Variants in UST observed in about 807,000 individuals in gnomAD.
UST encodes the protein chondroitin sulfate 2-O-sulfotransferase.
A neutral mutation model predicts 45.6 loss-of-function variants in UST; 21 were observed. That is an observed-to-expected ratio of 0.46 (90% CI 0.33 to 0.66). The LOEUF (loss-of-function observed/expected upper bound fraction) is 0.66. Among genes scored for constraint, UST ranks in the 30% least tolerant of loss-of-function variants. The probability of loss-of-function intolerance (pLI) is 0.02; values close to 1 mark genes in which losing one functional copy is unlikely to be tolerated. For missense variants in UST, 463 were observed against 512.4 expected (o/e 0.90, Z 0.93); for synonymous variants, 215 against 200.6 (o/e 1.07, Z -0.61).
chr6:148,992,968 A>G (rs772476318), intron 5 of UST: 220 of 982,982 alleles, frequency 2.2e-4, no homozygotes, highest in Non-Finnish European at 2.6e-4. Context: ...ATACTGAAAT[A>G]CATTTCTATC....
chr6:148,991,394 G>A (rs1781349129), intron 5 of UST, among the ~76,000 whole-genome samples: 1 of 151,600 alleles, frequency 6.6e-6, no homozygotes, highest in Admixed American at 6.6e-5. Flanking sequence ...AAGTTCTAGG[G>A]TACATGTGCA....
intron 1 of UST, among the ~76,000 whole-genome samples, chr6:148,758,262 A>G (rs1198678885): frequency 6.6e-6 from 1 of 152,180 alleles, no homozygotes. Flanking sequence ...AGTTCCGGTA[A>G]TTCATCCATC....
chr6:148,776,310 A>C (rs577558824), intron 1 of UST, among the ~76,000 whole-genome samples: 70 of 152,348 alleles, frequency 4.6e-4, no homozygotes, highest in Admixed American at 2.2e-3. Context: ...ATTTTTAAAA[A>C]TATGACCATT....
intron 7 of UST, among the ~76,000 whole-genome samples, chr6:149,065,481 TG>T (rs757392824): frequency 4.7e-4 from 71 of 152,332 alleles, no homozygotes; most frequent in Non-Finnish European, 7.1e-4. Context: ...AAACCACCTC[TG>T]GTCTTTCCAT....
intron 1 of UST, among the ~76,000 whole-genome samples, chr6:148,802,356 A>G (rs1777070872): frequency 6.6e-6 from 1 of 152,244 alleles, no homozygotes; most frequent in African/African-American, 2.4e-5. Flanking sequence ...AGAATAAACC[A>G]TCTGCCATAT....
intron 1 of UST, among the ~76,000 whole-genome samples, chr6:148,813,334 G>A (rs1731902035): frequency 6.6e-6 from 1 of 151,742 alleles, no homozygotes; most frequent in Admixed American, 6.6e-5. Flanking sequence ...AGGCCATACT[G>A]CCCCCAACCT....
chr6:148,871,143 T>TCTCTCTCC (rs1345024482), intron 1 of UST, among the ~76,000 whole-genome samples: 1 of 147,310 alleles, frequency 6.8e-6, no homozygotes, highest in African/African-American at 2.5e-5. Flanking sequence ...TCTCTCTCTC[T>TCTCTCTCC]CTCCCTCTCT....
chr6:148,805,331 A>C (rs1426408202), intron 1 of UST, among the ~76,000 whole-genome samples: 1 of 152,230 alleles, frequency 6.6e-6, no homozygotes, highest in Admixed American at 6.5e-5. Flanking sequence ...TGTTAATTTG[A>C]AAAAGAATAG....
At chr6:148,851,110 A>G (rs1039187989) in intron 1 of UST, among the ~76,000 whole-genome samples, 3 of 152,314 alleles carry the variant, frequency 2.0e-5, no homozygotes, top group Admixed American at 1.3e-4. Context: ...AGGAAGGCTC[A>G]GCCAGTCTTT....
In UST at chr6:148,878,708, G is replaced by GGTCGTGTATGAGTTCAGGA. The variant is rs1554222734; in HGVS notation, c.248-8265_248-8264insTCAGGAGTCGTGTATGAGT. On this transcript the variant is annotated intron_variant, in intron 1 of 7. Transcript: ENST00000367463. ...TGCGGGGGTCGTGTGTGAGTGCGGA[G>GGTCGTGTATGAGTTCAGGA]GTCGTGTATGAGTGCAGGGGATCAT... Among the ~76,000 whole-genome samples, 954 of 131,010 alleles carry GGTCGTGTATGAGTTCAGGA rather than the reference G, an allele frequency of 7.3e-3. 32 individuals are homozygous for GGTCGTGTATGAGTTCAGGA. Among genetic ancestry groups the GGTCGTGTATGAGTTCAGGA allele is most frequent in the African/African-American group, 0.028 (885 of 31,886 alleles). 85.9% of individuals were successfully genotyped at this position (131,010 alleles called of 152,430 possible).
At chr6:149,061,978 A>G (rs1406172125) in intron 7 of UST, among the ~76,000 whole-genome samples, 2 of 152,254 alleles carry the variant, frequency 1.3e-5, no homozygotes, top group African/African-American at 2.4e-5. Context: ...GTCAGGTCAC[A>G]CAAATAAATG....
At chr6:148,747,777 C>G in intron 1 of UST, 100 bp downstream of exon 1, 2 of 1,394,368 alleles carry the variant, frequency 1.4e-6, no homozygotes, top group Non-Finnish European at 1.9e-6. Context: ...CACCGCGCGC[C>G]GCCGCCGCCC....
chr6:149,003,068 G>A (rs1425492011), intron 5 of UST, among the ~76,000 whole-genome samples: 1 of 152,128 alleles, frequency 6.6e-6, no homozygotes, highest in East Asian at 1.9e-4. Context: ...AGTTTGAATT[G>A]TTGAAACACA....
chr6:148,827,891 G>A (rs72999190), intron 1 of UST, among the ~76,000 whole-genome samples: 1,688 of 152,158 alleles, frequency 0.011, 20 homozygotes, highest in Admixed American at 0.021. Context: ...TTAAAAGTGT[G>A]TTTTTGTTTT....
At chr6:148,974,033 G>T (rs565008536) in intron 5 of UST, among the ~76,000 whole-genome samples, 1 of 152,202 alleles carries the variant, frequency 6.6e-6, no homozygotes, top group East Asian at 1.9e-4. Flanking sequence ...CCCTCTAATG[G>T]CTGGAAGTTG....
At chr6:148,758,960 C>T (rs189865885) in intron 1 of UST, among the ~76,000 whole-genome samples, 56 of 152,294 alleles carry the variant, frequency 3.7e-4, no homozygotes, top group Middle Eastern at 3.4e-3. Flanking sequence ...TAAACAGAAC[C>T]GTCAGGCAGA....
intron 7 of UST, among the ~76,000 whole-genome samples, chr6:149,040,747 G>A (rs1776301004): frequency 6.6e-6 from 1 of 152,148 alleles, no homozygotes. Context: ...CCAGCATGTG[G>A]TCCCCCTAAG....
chr6:148,996,229 G>A (rs547365497), intron 5 of UST, among the ~76,000 whole-genome samples: 1 of 152,250 alleles, frequency 6.6e-6, no homozygotes, highest in Non-Finnish European at 1.5e-5. Context: ...TATGGTTATC[G>A]TTGTTTCTGA....
chr6:149,071,806 A>AACAAAACAAAAAACAAAAACAAAAAC (rs1776823090), intron 7 of UST, among the ~76,000 whole-genome samples: 1 of 151,800 alleles, frequency 6.6e-6, no homozygotes, highest in Admixed American at 6.6e-5. Context: ...ACAAAAAAAA[A>AACAAAACAAAAAACAAAAACAAAAAC]CCCCACTTCA....
Sources: allele counts gnomAD v4.1 joint callset (sites outside exome capture counted in the v4.1 genomes callset), GRCh38; gene constraint gnomAD v4.1.1; transcripts MANE v1.5; gene names NCBI Gene and HGNC (gene_info 2026-07-23, HGNC 2026-07-21).